Variants in UTP15 observed in about 807,000 individuals in gnomAD.
UTP15 encodes UTP15 small subunit processome component.
UTP15 carries 5 observed loss-of-function variants against 59.1 expected under a neutral mutation model. The observed-to-expected ratio is 0.08, with a 90% confidence interval of 0.04 to 0.18. The LOEUF is 0.18. Among genes scored for constraint, UTP15 ranks in the 10% least tolerant of loss-of-function variants. The probability of loss-of-function intolerance (pLI) is 1.00; values close to 1 mark genes in which losing one functional copy is unlikely to be tolerated. For missense variants in UTP15, 494 were observed against 616.7 expected, an observed-to-expected ratio of 0.80 and a Z score of 2.11; for synonymous variants, 211 against 212.2, an observed-to-expected ratio of 0.99 and a Z score of 0.05.
rs1160013393 is a variant in UTP15 at position 73,581,556 on chromosome 5, G to A, written c.*1462G>A. On this transcript the variant is annotated 3_prime_UTR_variant, in exon 13 of 13. Transcript: ENST00000296792. The stretch of plus-strand genomic sequence containing the variant: ...TCTTGAGCTAGAAGAACCCATAGAG[G>A]AAGATTTTGTAATGCGAATCTCCTC... 1 of 151,838 alleles carries A rather than the reference G, an allele frequency of 6.6e-6. No homozygotes were observed. Among genetic ancestry groups the A allele is most frequent in the Non-Finnish European group, 1.5e-5 (1 of 67,978 alleles). 9.4% of individuals were successfully genotyped at this position (151,838 alleles called of 1,614,324 possible).
rs1331786200 is a variant in UTP15 at position 73,580,048 on chromosome 5, A to G, written c.1511A>G (p.Glu504Gly). 1.2e-6 allele frequency: 2 copies of G among 1,613,878 alleles called. No individual in the cohort carries two copies. The highest frequency in any genetic ancestry group is 2.7e-5 in the African/African-American group (2 of 75,044). The part of the protein sequence containing the change: ...MRRKEGTSVL[E>G]HTSDGFPENK... ...AGGAAGGAAGGCACTTCTGTGTTGG[A>G]ACACACATCTGATGGATTTCCAGAG... The change falls in exon 13 of 13, where the codon GAA (glutamate) becomes GGA (glycine). Residue 504 changes from glutamate (E) to glycine (G), a missense_variant. Coordinates refer to ENST00000296792, the MANE Select transcript of UTP15 (RefSeq NM_032175.4).
intron 7 of UTP15, among the ~76,000 whole-genome samples, chr5:73,576,192 C>T (rs1473032696): frequency 6.6e-6 from 1 of 151,796 alleles, no homozygotes; most frequent in Non-Finnish European, 1.5e-5. Context: ...GCAACCTCTG[C>T]CTCCCAGGTT....
At position 73,580,812 on chromosome 5, in the gene UTP15, C is replaced by T. The variant is rs1488667379; in HGVS notation, c.*718C>T. ...ACCAAGTTTTCACCTTGTTTCAGGT[C>T]AGAGGAATGATAGAATTTGTCATTT... On this transcript the variant is annotated 3_prime_UTR_variant, in exon 13 of 13. Coordinates refer to ENST00000296792, the MANE Select transcript of UTP15 (RefSeq NM_032175.4). 2 of 151,628 alleles carry T rather than the reference C, an allele frequency of 1.3e-5. No homozygotes were observed. Among genetic ancestry groups the T allele is most frequent in the African/African-American group, 4.8e-5 (2 of 41,266 alleles). The allele number at this position is 151,628 out of a possible 1,614,324, so 9.4% of individuals were successfully genotyped here. A position where few individuals can be genotyped will look rare whatever the true frequency, so the allele number is the denominator to read the frequency against.
At chr5:73,574,988 T>G (rs1748049262) in intron 7 of UTP15, among the ~76,000 whole-genome samples, 1 of 152,218 alleles carries the variant, frequency 6.6e-6, no homozygotes, top group Non-Finnish European at 1.5e-5. Flanking sequence ...ATACTTTAAA[T>G]CATGGCTTGC....
At chr5:73,576,878 T>C in intron 7 of UTP15, 74 bp from the exon 8 acceptor site, 1 of 1,021,688 alleles carries the variant, frequency 9.8e-7, no homozygotes, top group Non-Finnish European at 1.5e-6. Context: ...TGTATTTTGT[T>C]TTCAGAAAAT....
Position 73,565,772 on chromosome 5 carries a change from TG to T in UTP15, c.-223del. On this transcript the variant is annotated 5_prime_UTR_variant, in exon 1 of 13. Coordinates refer to ENST00000296792, the MANE Select transcript of UTP15 (RefSeq NM_032175.4). ...CATCTTCGCGCGACGTTCGGTTCGC[TG>T]TGTGTGTCGCCGGCTCCTTGAGGGT... is the stretch of plus-strand genomic sequence containing the variant. The T allele has an allele frequency of 4.4e-6, 2 of 456,262 alleles. No homozygotes were observed. The highest frequency in any genetic ancestry group is 3.1e-5 in the South Asian group (2 of 64,564). The allele number at this position is 456,262 out of a possible 1,614,324, so 28.3% of individuals were successfully genotyped here.
In UTP15 at chr5:73,576,986, G is replaced by A; in HGVS notation, c.844G>A (p.Val282Ile). 1 of 1,610,604 alleles carries A rather than the reference G, an allele frequency of 6.2e-7. No individual in the cohort carries two copies. Residue 282 changes from valine to isoleucine, a missense_variant, in exon 8 of 13, where the codon GTA becomes ATA. Coordinates refer to ENST00000296792, the MANE Select transcript of UTP15 (RefSeq NM_032175.4). ...AGTATACAGCACAACTTCCTACAAA[G>A]TAGTCCACAGTTTTGATTATGCAGC... is the stretch of plus-strand genomic sequence containing the variant. ...VKVYSTTSYK[V>I]VHSFDYAASI...
Position 73,573,091 on chromosome 5 carries a change from C to T in UTP15, c.809+467C>T, listed in dbSNP as rs552233879. On this transcript the variant is annotated intron_variant, in intron 7 of 12. Transcript: ENST00000296792. ...GATTACAGGCGTGAGCCACCACACC[C>T]GGCCACCCATAGCTACTTATTTTCT... Among the ~76,000 whole-genome samples the T allele has an allele frequency of 9.2e-4, 139 of 151,644 alleles. 1 individual carries two copies. Among genetic ancestry groups the T allele is most frequent in the Admixed American group, 2.2e-3 (34 of 15,260 alleles).
rs1284636319 is a variant in UTP15 at position 73,580,438 on chromosome 5, G to A, written c.*344G>A. The A allele has an allele frequency of 5.8e-6, 1 of 171,892 alleles. No individual in the cohort carries two copies. Among genetic ancestry groups the A allele is most frequent in the African/African-American group, 2.4e-5 (1 of 41,824 alleles). The allele number at this position is 171,892 out of a possible 1,614,324, so 10.6% of individuals were successfully genotyped here. A position where few individuals can be genotyped will look rare whatever the true frequency, so the allele number is the denominator to read the frequency against. Reference sequence around the variant, plus strand: ...AATTCAAATATGAATCCTCTCTGGAGAGGGTCCAACTGGGAATCCTGCTAA... The same window carrying A: ...AATTCAAATATGAATCCTCTCTGGAAAGGGTCCAACTGGGAATCCTGCTAA... On this transcript the variant is annotated 3_prime_UTR_variant, in exon 13 of 13. Coordinates refer to ENST00000296792, the MANE Select transcript of UTP15 (RefSeq NM_032175.4).
chr5:73,578,044 T>C, intron 9 of UTP15, 39 bp downstream of exon 9: 1 of 1,563,128 alleles, frequency 6.4e-7, no homozygotes, highest in Non-Finnish European at 8.6e-7. Context: ...AAGGGTGAAA[T>C]TTGTTAGAGT....
chr5:73,570,160 C>T (rs977588975), intron 5 of UTP15, among the ~76,000 whole-genome samples: 1 of 152,086 alleles, frequency 6.6e-6, no homozygotes, highest in Non-Finnish European at 1.5e-5. Flanking sequence ...TTTTCTTATT[C>T]TTCTTTTGTT....
intron 1 of UTP15, 30 bp from the exon 2 acceptor site, chr5:73,567,229 TATA>T: frequency 5.3e-6 from 3 of 567,256 alleles, no homozygotes; most frequent in Non-Finnish European, 8.8e-6. Context: ...TGTACAAGCT[TATA>T]ATATGTATAT....
intron 6 of UTP15, 25 bp downstream of exon 6, chr5:73,570,736 C>G: frequency 6.2e-7 from 1 of 1,608,090 alleles, no homozygotes; most frequent in Non-Finnish European, 8.5e-7. Context: ...TAGCTTTCAC[C>G]AATATTGTTG....
chr5:73,582,239 G>C lies in UTP15; in HGVS notation c.*2145G>C, dbSNP rs985867423. Reference sequence around the variant, plus strand: ...ACTGTGAAGTGGTTTGCCTGCTGGGGCCTAAACTCCTCATTCCCTTTAACA... The same window carrying C: ...ACTGTGAAGTGGTTTGCCTGCTGGGCCCTAAACTCCTCATTCCCTTTAACA... On this transcript the variant is annotated 3_prime_UTR_variant, in exon 13 of 13. Transcript: ENST00000296792. 1 of 152,170 alleles carries C rather than the reference G, an allele frequency of 6.6e-6. No individual in the cohort carries two copies. Among genetic ancestry groups the C allele is most frequent in the Admixed American group, 6.6e-5 (1 of 15,266 alleles). 9.4% of individuals were successfully genotyped at this position (152,170 alleles called of 1,614,324 possible). A position where few individuals can be genotyped will look rare whatever the true frequency, so the allele number is the denominator to read the frequency against.
intron 9 of UTP15, chr5:73,578,371 A>C (rs1231841414): frequency 3.5e-6 from 1 of 288,170 alleles, no homozygotes; most frequent in Non-Finnish European, 6.5e-6. Context: ...GGATTTCATT[A>C]CTGGTATCCA....
chr5:73,576,934 G>A lies in UTP15; in HGVS notation c.810-18G>A. 6.4e-7 allele frequency: 1 copy of A among 1,554,554 alleles called. No homozygotes were observed. Among genetic ancestry groups the A allele is most frequent in the East Asian group, 2.3e-5 (1 of 44,304 alleles). On this transcript the variant is annotated intron_variant, in intron 7 of 12. Coordinates refer to ENST00000296792, the MANE Select transcript of UTP15 (RefSeq NM_032175.4). ...CGTTTTCAAGGTGATTTTTGACAAA[G>A]CTTTTCCTTTTTATTAGGAAGGTGA...
At chr5:73,576,072 A>G (rs1436901963) in intron 7 of UTP15, among the ~76,000 whole-genome samples, 4 of 147,884 alleles carry the variant, frequency 2.7e-5, no homozygotes, top group Non-Finnish European at 5.9e-5. Flanking sequence ...ACAGTGGCTC[A>G]TGGTCTGTCC....
At position 73,580,306 on chromosome 5, in the gene UTP15, C is replaced by G. The variant is rs1748261644; in HGVS notation, c.*212C>G. ...ATATTTTGAATTATAGCATCTTCAC[C>G]TAGAAGATCTCAATTGTCTTAGTCA... On this transcript the variant is annotated 3_prime_UTR_variant, in exon 13 of 13. Coordinates refer to ENST00000296792, the MANE Select transcript of UTP15 (RefSeq NM_032175.4). 2 of 435,372 alleles carry G rather than the reference C, an allele frequency of 4.6e-6. No homozygotes were observed. Among genetic ancestry groups the G allele is most frequent in the African/African-American group, 2.0e-5 (1 of 49,622 alleles). The allele number at this position is 435,372 out of a possible 1,614,324, so 27.0% of individuals were successfully genotyped here. A position where few individuals can be genotyped will look rare whatever the true frequency, so the allele number is the denominator to read the frequency against.
intron 9 of UTP15, 32 bp downstream of exon 9, chr5:73,578,037 G>T: frequency 1.9e-6 from 3 of 1,565,610 alleles, no homozygotes; most frequent in Non-Finnish European, 2.6e-6. Flanking sequence ...TTGTTTAAAG[G>T]GTGAAATTTG....
Sources: allele counts gnomAD v4.1 joint callset (sites outside exome capture counted in the v4.1 genomes callset), GRCh38; gene constraint gnomAD v4.1.1; transcripts MANE v1.5; gene names NCBI Gene and HGNC (gene_info 2026-07-23, HGNC 2026-07-21).